Variants in VWA8 observed in about 807,000 individuals in gnomAD.
VWA8 encodes von Willebrand factor A domain-containing protein 8.
In VWA8, 221 loss-of-function variants were observed where a neutral mutation model predicts 241.5. The observed-to-expected ratio is 0.91, with a 90% CI of 0.82 to 1.02. The LOEUF is 1.02. Among genes scored for constraint, VWA8 ranks in the 50% least tolerant of loss-of-function variants. VWA8 has a pLI of 0.00. For missense variants in VWA8, 2,322 were observed against 2,328.7 expected, an observed-to-expected ratio of 1.00 and a Z score of 0.06; for synonymous variants, 852 against 827.1, an observed-to-expected ratio of 1.03 and a Z score of -0.52.
intron 44 of VWA8, 142 bp downstream of exon 44, chr13:41,570,326 C>A (rs1190975213): frequency 7.7e-6 from 5 of 652,004 alleles, no homozygotes; most frequent in South Asian, 2.4e-5. Flanking sequence ...GATTATAAAC[C>A]CCTTGAGGCT....
At chr13:41,608,411 T>C (rs568758490) in intron 39 of VWA8, among the ~76,000 whole-genome samples, 5 of 152,288 alleles carry the variant, frequency 3.3e-5, no homozygotes, top group Non-Finnish European at 7.4e-5. Flanking sequence ...GCTGGAAACA[T>C]ATCTTTCTGC....
intron 20 of VWA8, among the ~76,000 whole-genome samples, chr13:41,769,019 C>A (rs2045799573): frequency 6.6e-6 from 1 of 151,822 alleles, no homozygotes; most frequent in Admixed American, 6.6e-5. Flanking sequence ...CCTCCAACCT[C>A]AGCCTCCTGA....
intron 26 of VWA8, among the ~76,000 whole-genome samples, chr13:41,713,680 G>A (rs2045331944): frequency 1.3e-5 from 2 of 152,080 alleles, no homozygotes. Flanking sequence ...GTCTGAAAAG[G>A]ATGATGACAT....
chr13:41,869,313 G>C (rs530343657), intron 9 of VWA8, among the ~76,000 whole-genome samples: 21 of 152,062 alleles, frequency 1.4e-4, no homozygotes, highest in Non-Finnish European at 2.2e-4. Context: ...CACTATAGGG[G>C]TCTCAATATT....
intron 28 of VWA8, 75 bp from the exon 29 acceptor site, chr13:41,699,345 T>G: frequency 7.5e-7 from 1 of 1,337,638 alleles, no homozygotes; most frequent in Non-Finnish European, 1.1e-6. Context: ...TAGTGAAAAC[T>G]GAATCATGAA....
Position 41,699,081 on chromosome 13 carries a change from T to C in VWA8, c.3554A>G (p.His1185Arg), listed in dbSNP as rs371185408. The C allele has an allele frequency of 2.1e-5, 34 of 1,613,822 alleles. No individual in the cohort carries two copies. The highest frequency in any genetic ancestry group is 2.9e-5 in the Non-Finnish European group (34 of 1,179,848). ...CCTGGTGTGCATTACCTGCTGCTCA[T>C]GGAGAACCACTTGACCTTTGAGAGG... The part of the protein sequence containing the change: ...GSPLKGQVVL[H>R]EQQSNVILLL... Residue 1185 changes from histidine (H) to arginine (R), a missense_variant, in exon 29 of 45, where the codon CAT becomes CGT. His to Arg is a conservative substitution (Grantham distance 29). Coordinates refer to ENST00000379310, the MANE Select transcript of VWA8 (RefSeq NM_015058.2).
At chr13:41,895,010 G>T (rs1322624709) in intron 4 of VWA8, among the ~76,000 whole-genome samples, 1 of 151,872 alleles carries the variant, frequency 6.6e-6, no homozygotes, top group African/African-American at 2.4e-5. Flanking sequence ...TTTTTTTAAT[G>T]ATTCAAAAAC....
chr13:41,641,950 T>A (rs1422665678), intron 37 of VWA8, among the ~76,000 whole-genome samples: 1 of 152,142 alleles, frequency 6.6e-6, no homozygotes, highest in Admixed American at 6.5e-5. Context: ...CAAACGGAAA[T>A]CAAATGAATA....
At chr13:41,747,576 C>T (rs566108425) in intron 21 of VWA8, among the ~76,000 whole-genome samples, 58 of 152,198 alleles carry the variant, frequency 3.8e-4, no homozygotes, top group African/African-American at 1.3e-3. Flanking sequence ...TTTTCCTAAT[C>T]GAATACCCTT....
At chr13:41,905,822 A>G (rs939224791) in intron 4 of VWA8, among the ~76,000 whole-genome samples, 1 of 152,122 alleles carries the variant, frequency 6.6e-6, no homozygotes, top group African/African-American at 2.4e-5. Flanking sequence ...GTAAACCCTC[A>G]TTGAATCACA....
rs543318586 is a variant in VWA8, at chr13:41,763,610, A to T, written c.2350-2406T>A. 3.3e-5 allele frequency among the ~76,000 whole-genome samples: 5 copies of T among 152,340 alleles called. No individual in the cohort carries two copies. The South Asian group carries it at 1.0e-3, about 32-fold the overall frequency. On this transcript the variant is annotated intron_variant, in intron 20 of 44. Coordinates refer to ENST00000379310, the MANE Select transcript of VWA8 (RefSeq NM_015058.2). Reference sequence around the variant, plus strand: ...AAACTTTAAATGGCATGTGACCATAAATATAAATTTTTAAATAGACAAATT... The same window carrying T: ...AAACTTTAAATGGCATGTGACCATATATATAAATTTTTAAATAGACAAATT...
chr13:41,570,832 AAGTT>A lies in VWA8; in HGVS notation c.5371-130_5371-127del, dbSNP rs1237382025. ...TTATTACCCATGAGTAGTACATTCTAAGTTAGTTCTATTTAATTTGCATATTTGA... is the reference window on the plus strand; with the variant it reads ...TTATTACCCATGAGTAGTACATTCTAAGTTCTATTTAATTTGCATATTTGA... On this transcript the variant is annotated intron_variant, in intron 43 of 44. Coordinates refer to ENST00000379310, the MANE Select transcript of VWA8 (RefSeq NM_015058.2). The A allele has an allele frequency of 6.6e-5, 49 of 740,180 alleles. No individual in the cohort carries two copies. The East Asian group carries it at 9.2e-4, about 14-fold the overall frequency. The allele number at this position is 740,180 out of a possible 1,614,324, so 45.9% of individuals were successfully genotyped here.
Position 41,960,869 on chromosome 13 carries a change from G to A in VWA8, c.147C>T (p.Gly49=). ...QRPEVRLLHA[G]SGADTGDTVN... ...CCGAGTTACCTGTGTCGGCCCCCGA[G>A]CCGGCGTGCAACAGTCTGACCTCCG... The change falls in exon 1 of 45, where the codon GGC becomes GGT. Residue 49 remains glycine (G), a synonymous_variant. Coordinates refer to ENST00000379310, the MANE Select transcript of VWA8 (RefSeq NM_015058.2). 6.6e-7 allele frequency: 1 copy of A among 1,518,902 alleles called. No individual in the cohort carries two copies. The highest frequency in any genetic ancestry group is 1.2e-5 in the South Asian group (1 of 83,348). The allele number at this position is 1,518,902 out of a possible 1,614,324, so 94.1% of individuals were successfully genotyped here. A position where few individuals can be genotyped will look rare whatever the true frequency, so the allele number is the denominator to read the frequency against.
chr13:41,732,044 T>C (rs201368187), intron 22 of VWA8, 36 bp downstream of exon 22: 1 of 1,574,510 alleles, frequency 6.4e-7, no homozygotes. Context: ...GATACAAAAA[T>C]ACACTTGAAA....
chr13:41,690,080 T>G (rs1593698776), intron 33 of VWA8, 86 bp downstream of exon 33: 23 of 1,143,904 alleles, frequency 2.0e-5, no homozygotes, highest in South Asian at 1.9e-5. Context: ...CATAGGCTGG[T>G]GTTTTGTTCT....
At chr13:41,774,914 T>C (rs1868518801) in intron 20 of VWA8, among the ~76,000 whole-genome samples, 1 of 152,108 alleles carries the variant, frequency 6.6e-6, no homozygotes, top group Non-Finnish European at 1.5e-5. Context: ...GGTCTTTGGG[T>C]ACCCAGCTTA....
At chr13:41,643,362 C>T (rs1307800262) in intron 37 of VWA8, among the ~76,000 whole-genome samples, 1 of 152,188 alleles carries the variant, frequency 6.6e-6, no homozygotes, top group Non-Finnish European at 1.5e-5. Context: ...CCAGTCATCA[C>T]ACTCCTCACT....
chr13:41,580,252 T>C (rs1448574402), intron 42 of VWA8, among the ~76,000 whole-genome samples: 3 of 152,168 alleles, frequency 2.0e-5, no homozygotes, highest in Non-Finnish European at 2.9e-5. Flanking sequence ...TATTTCTACA[T>C]CCACAATTGA....
intron 24 of VWA8, among the ~76,000 whole-genome samples, chr13:41,723,903 A>G (rs1465481868): frequency 6.6e-6 from 1 of 152,182 alleles, no homozygotes; most frequent in Non-Finnish European, 1.5e-5. Context: ...TTATTAAAGG[A>G]ATGAGTATAG....
Sources: gnomAD v4.1 joint callset for allele counts (sites outside exome capture counted in the v4.1 genomes callset) on GRCh38, gnomAD v4.1.1 for gene constraint, MANE v1.5 for transcripts, NCBI Gene and HGNC (gene_info 2026-07-23, HGNC 2026-07-21) for gene names.